Variants in CHST8 observed in about 807,000 individuals in gnomAD.
CHST8 encodes GALNAC-4-ST1.
Under a neutral mutation model 15.0 loss-of-function variants are expected in CHST8, and 10 were observed. That is an observed-to-expected ratio of 0.67 (90% CI 0.41 to 1.13). The LOEUF (loss-of-function observed/expected upper bound fraction) is 1.13. CHST8 is among the 50% of genes most tolerant of loss of function. The probability of loss-of-function intolerance (pLI) is 0.00; values close to 1 mark genes in which losing one functional copy is unlikely to be tolerated. For synonymous variants in CHST8, 259 were observed against 256.6 expected (o/e 1.01, Z -0.09); for missense variants, 634 against 608.2 (o/e 1.04, Z -0.45).
At chr19:33,693,884 C>T (rs751789096) in intron 3 of CHST8, among the ~76,000 whole-genome samples, 4 of 151,560 alleles carry the variant, frequency 2.6e-5, no homozygotes, top group Non-Finnish European at 5.9e-5. Flanking sequence ...TAGATCCAGC[C>T]ATTCATTAGG....
intron 1 of CHST8, among the ~76,000 whole-genome samples, chr19:33,647,929 T>C (rs2145206917): frequency 6.6e-6 from 1 of 152,040 alleles, no homozygotes; most frequent in South Asian, 2.1e-4. Flanking sequence ...GTTTTTGTTT[T>C]GGGGGTTTTT....
At chr19:33,740,573 A>T (rs1974166279) in intron 3 of CHST8, among the ~76,000 whole-genome samples, 1 of 152,236 alleles carries the variant, frequency 6.6e-6, no homozygotes, top group Non-Finnish European at 1.5e-5. Flanking sequence ...TCGGACTGTC[A>T]TACCACTGTG....
At chr19:33,710,448 T>C (rs1311852770) in intron 3 of CHST8, among the ~76,000 whole-genome samples, 1 of 152,238 alleles carries the variant, frequency 6.6e-6, no homozygotes, top group Admixed American at 6.5e-5. Context: ...TGTTCTTCTT[T>C]TTTCATTTCT....
intron 3 of CHST8, among the ~76,000 whole-genome samples, chr19:33,765,247 G>C (rs1328059320): frequency 6.6e-6 from 1 of 151,768 alleles, no homozygotes; most frequent in Non-Finnish European, 1.5e-5. Context: ...GGAACGCCTG[G>C]GCTGTCGAAA....
chr19:33,642,916 G>C (rs563315589), intron 1 of CHST8, among the ~76,000 whole-genome samples: 13 of 152,170 alleles, frequency 8.5e-5, no homozygotes, highest in Admixed American at 2.0e-4. Context: ...TTTCCATGGT[G>C]ATGAATCTGT....
chr19:33,688,699 C>T (rs1973034074), intron 2 of CHST8, among the ~76,000 whole-genome samples: 1 of 152,164 alleles, frequency 6.6e-6, no homozygotes, highest in Non-Finnish European at 1.5e-5. Flanking sequence ...GAGACCTTGT[C>T]CCCAGTGCCC....
Position 33,722,843 on chromosome 19 carries a change from G to A in CHST8, c.130+33452G>A, listed in dbSNP as rs112792552. ...TCCAGTTAGTCCTGGCTCAGCCTCT[G>A]CAGCTGCTGATATGAATACACTAAG... On this transcript the variant is annotated intron_variant, in intron 3 of 4. Coordinates refer to ENST00000650847, the MANE Select transcript of CHST8 (RefSeq NM_001127895.2). Among the ~76,000 whole-genome samples the A allele has an allele frequency of 3.4e-3, 524 of 152,312 alleles. 5 individuals carry two copies. Among genetic ancestry groups the A allele is most frequent in the African/African-American group, 0.012 (507 of 41,560 alleles).
intron 3 of CHST8, among the ~76,000 whole-genome samples, chr19:33,738,310 AT>A (rs1974122474): frequency 6.6e-6 from 1 of 152,226 alleles, no homozygotes; most frequent in Admixed American, 6.5e-5. Context: ...GAATGGAACA[AT>A]TGCAGAAACA....
In CHST8 at chr19:33,663,732, T is replaced by G. The variant is rs192172974; in HGVS notation, c.-163-4035T>G. ...TAAAAATACAAAAATTAGCAGGACATGGTGGCAGGTGCCTGTAATCCCAGC... is the reference window on the plus strand; with the variant it reads ...TAAAAATACAAAAATTAGCAGGACAGGGTGGCAGGTGCCTGTAATCCCAGC... On this transcript the variant is annotated intron_variant, in intron 1 of 4. Coordinates refer to ENST00000650847, the MANE Select transcript of CHST8 (RefSeq NM_001127895.2). 1.7e-3 allele frequency among the ~76,000 whole-genome samples: 263 copies of G among 152,056 alleles called. 1 individual carries two copies. The highest frequency in any genetic ancestry group is 5.6e-3 in the African/African-American group (231 of 41,478).
intron 2 of CHST8, among the ~76,000 whole-genome samples, chr19:33,682,376 C>T (rs193272326): frequency 1.9e-3 from 293 of 151,770 alleles, no homozygotes; most frequent in African/African-American, 6.1e-3. Context: ...GGTTTCACCA[C>T]GTTGGTCAGA....
At chr19:33,729,680 C>T (rs1180049735) in intron 3 of CHST8, among the ~76,000 whole-genome samples, 2 of 152,180 alleles carry the variant, frequency 1.3e-5, no homozygotes, top group East Asian at 3.8e-4. Flanking sequence ...TACACCCAAA[C>T]CTGGTTGCAA....
At chr19:33,756,208 C>T (rs998999917) in intron 3 of CHST8, among the ~76,000 whole-genome samples, 1 of 152,184 alleles carries the variant, frequency 6.6e-6, no homozygotes, top group African/African-American at 2.4e-5. Flanking sequence ...GCATGAAGAT[C>T]GTGAAAATAA....
chr19:33,657,199 A>G (rs1972520876), intron 1 of CHST8, among the ~76,000 whole-genome samples: 1 of 151,740 alleles, frequency 6.6e-6, no homozygotes, highest in East Asian at 1.9e-4. Flanking sequence ...ACACACATAC[A>G]TATACATACA....
intron 3 of CHST8, among the ~76,000 whole-genome samples, chr19:33,754,489 T>G (rs1490838038): frequency 6.6e-6 from 1 of 152,192 alleles, no homozygotes; most frequent in Non-Finnish European, 1.5e-5. Context: ...ACCCTATGCC[T>G]GCTCTCATCC....
At chr19:33,724,409 A>C (rs963064713) in intron 3 of CHST8, among the ~76,000 whole-genome samples, 1 of 152,160 alleles carries the variant, frequency 6.6e-6, no homozygotes, top group Admixed American at 6.5e-5. Flanking sequence ...CTTTTAGATG[A>C]GGATACCCCC....
intron 3 of CHST8, among the ~76,000 whole-genome samples, chr19:33,721,322 C>A (rs910892884): frequency 6.6e-6 from 1 of 152,172 alleles, no homozygotes; most frequent in Non-Finnish European, 1.5e-5. Context: ...CCTCTGAGAT[C>A]GGGCATCCTC....
intron 1 of CHST8, among the ~76,000 whole-genome samples, chr19:33,650,244 A>G (rs937332976): frequency 1.3e-5 from 2 of 152,090 alleles, no homozygotes. Context: ...CCAGGAACCC[A>G]GTTTTTAAGA....
chr19:33,743,088 A>G (rs1288997823), intron 3 of CHST8, among the ~76,000 whole-genome samples: 2 of 149,074 alleles, frequency 1.3e-5, no homozygotes, highest in East Asian at 3.9e-4. Context: ...TTCATTGAAG[A>G]CACTACAGAG....
At chr19:33,720,500 C>T (rs1310042258) in intron 3 of CHST8, among the ~76,000 whole-genome samples, 1 of 152,136 alleles carries the variant, frequency 6.6e-6, no homozygotes, top group Admixed American at 6.5e-5. Context: ...ACCACACACA[C>T]CACATATGCT....
Sources: allele counts gnomAD v4.1 joint callset (sites outside exome capture counted in the v4.1 genomes callset), GRCh38; gene constraint gnomAD v4.1.1; transcripts MANE v1.5; gene names NCBI Gene and HGNC (gene_info 2026-07-23, HGNC 2026-07-21).